The following RAP1B variants were observed in gnomAD, a reference collection of about 807,000 sequenced individuals.
RAP1B encodes RAP1B, member of RAS oncogene family.
Under a neutral mutation model 27.5 loss-of-function variants are expected in RAP1B, and 1 was observed. The observed-to-expected ratio is 0.04, with a 90% confidence interval of 0.01 to 0.17. RAP1B has a LOEUF of 0.17. RAP1B is among the 10% of genes least tolerant of loss of function. RAP1B has a pLI of 1.00. For missense variants in RAP1B, 84 were observed against 214.8 expected, an observed-to-expected ratio of 0.39 and a Z score of 3.81; for synonymous variants, 75 against 73.1, an observed-to-expected ratio of 1.03 and a Z score of -0.13.
chr12:68,618,446 G>A (rs1263816626), intron 1 of RAP1B, among the ~76,000 whole-genome samples: 3 of 152,062 alleles, frequency 2.0e-5, no homozygotes, highest in Admixed American at 2.0e-4. Flanking sequence ...GTATGAATAA[G>A]GACTAATAAA....
At chr12:68,655,904 A>G (rs1874171037) in intron 5 of RAP1B, among the ~76,000 whole-genome samples, 4 of 152,308 alleles carry the variant, frequency 2.6e-5, no homozygotes, top group Admixed American at 2.6e-4. Context: ...TCCGTCCATT[A>G]TGATAAAATT....
At chr12:68,650,662 T>C in intron 3 of RAP1B, 194 bp downstream of exon 3, 1 of 402,116 alleles carries the variant, frequency 2.5e-6, no homozygotes, top group Non-Finnish European at 4.1e-6. Context: ...CTCTCACATA[T>C]TCACAGAATT....
chr12:68,657,807 C>T (rs970181826), intron 7 of RAP1B: 2 of 156,904 alleles, frequency 1.3e-5, no homozygotes, highest in African/African-American at 2.6e-5. Flanking sequence ...CGCTCCCAGC[C>T]AACCGTCCCT....
intron 1 of RAP1B, among the ~76,000 whole-genome samples, chr12:68,644,443 G>A (rs978551199): frequency 3.3e-5 from 5 of 151,804 alleles, no homozygotes; most frequent in Admixed American, 3.3e-4. Context: ...AATTAGCTGG[G>A]CGTGATGGTG....
intron 1 of RAP1B, among the ~76,000 whole-genome samples, chr12:68,614,288 A>G (rs1870823032): frequency 2.6e-5 from 4 of 152,166 alleles, no homozygotes; most frequent in Admixed American, 2.6e-4. Flanking sequence ...TTTCCCCATA[A>G]GTATTGTTTA....
At chr12:68,629,675 T>C (rs1565661478) in intron 1 of RAP1B, among the ~76,000 whole-genome samples, 1 of 152,216 alleles carries the variant, frequency 6.6e-6, no homozygotes, top group Non-Finnish European at 1.5e-5. Flanking sequence ...TATACTGTTT[T>C]ATCATCCTCA....
intron 4 of RAP1B, 117 bp downstream of exon 4, chr12:68,652,168 G>T: frequency 1.3e-6 from 1 of 750,692 alleles, no homozygotes; most frequent in South Asian, 2.4e-5. Flanking sequence ...GCTTGCAGCC[G>T]GTTGTAGTGG....
intron 1 of RAP1B, among the ~76,000 whole-genome samples, chr12:68,627,556 C>T (rs1030964155): frequency 1.3e-5 from 2 of 152,146 alleles, no homozygotes; most frequent in African/African-American, 2.4e-5. Flanking sequence ...CTTCACCTCT[C>T]GTTATTCCCA....
chr12:68,655,486 T>C (rs1277582974), intron 5 of RAP1B, among the ~76,000 whole-genome samples: 1 of 152,054 alleles, frequency 6.6e-6, no homozygotes, highest in African/African-American at 2.4e-5. Context: ...ATTTTTTAAT[T>C]TGTAAATCCA....
intron 1 of RAP1B, 52 bp downstream of exon 1, chr12:68,611,095 CG>C (rs138990945): frequency 0.042 from 8,630 of 207,160 alleles, 799 homozygotes; most frequent in African/African-American, 0.19. Flanking sequence ...GGCGGCCGCG[CG>C]GGGCCGGGCG....
intron 1 of RAP1B, among the ~76,000 whole-genome samples, chr12:68,623,667 C>T (rs1871538489): frequency 6.6e-6 from 1 of 152,158 alleles, no homozygotes; most frequent in South Asian, 2.1e-4. Flanking sequence ...TAAGCTTTGC[C>T]ACCAACATAG....
At chr12:68,649,831 A>G (rs767286373) in intron 2 of RAP1B, 11 of 152,496 alleles carry the variant, frequency 7.2e-5, no homozygotes, top group East Asian at 3.8e-4. Flanking sequence ...GACTGAAACA[A>G]TGCCGGCACA....
chr12:68,656,566 C>CAA (rs368220197), intron 6 of RAP1B, 117 bp downstream of exon 6: 129 of 713,832 alleles, frequency 1.8e-4, no homozygotes, highest in South Asian at 5.4e-4. Flanking sequence ...ATGTTACAGG[C>CAA]AAAAAAAAAA....
chr12:68,645,299 A>G (rs1370255794), intron 1 of RAP1B, among the ~76,000 whole-genome samples: 1 of 152,230 alleles, frequency 6.6e-6, no homozygotes, highest in Non-Finnish European at 1.5e-5. Context: ...GAAAACCACA[A>G]TTTGAAACTT....
At chr12:68,653,100 T>G (rs1180550890) in intron 4 of RAP1B, among the ~76,000 whole-genome samples, 2 of 152,102 alleles carry the variant, frequency 1.3e-5, no homozygotes, top group Non-Finnish European at 2.9e-5. Context: ...TCCCAGCTAC[T>G]CGGGAGGCTG....
chr12:68,625,778 C>T (rs143273090), intron 1 of RAP1B, among the ~76,000 whole-genome samples: 30 of 152,070 alleles, frequency 2.0e-4, no homozygotes, highest in Middle Eastern at 3.4e-3. Flanking sequence ...AAAAATTAGC[C>T]GAGCGTGGTG....
At chr12:68,617,732 C>G (rs1222427284) in intron 1 of RAP1B, among the ~76,000 whole-genome samples, 4 of 152,094 alleles carry the variant, frequency 2.6e-5, no homozygotes, top group Admixed American at 6.6e-5. Flanking sequence ...CAGTATTACT[C>G]ATGAATGTTT....
At chr12:68,650,653 T>A in intron 3 of RAP1B, 185 bp downstream of exon 3, 1 of 436,518 alleles carries the variant, frequency 2.3e-6, no homozygotes, top group Non-Finnish European at 3.7e-6. Flanking sequence ...ACACCCATAC[T>A]CTCACATATT....
intron 1 of RAP1B, among the ~76,000 whole-genome samples, chr12:68,632,154 T>C (rs540593026): frequency 7.4e-6 from 1 of 135,400 alleles, no homozygotes; most frequent in Admixed American, 7.3e-5. Flanking sequence ...TTGTTTGTTT[T>C]TTTTTTCCAG....
Sources: gnomAD v4.1 joint callset for allele counts (sites outside exome capture counted in the v4.1 genomes callset) on GRCh38, gnomAD v4.1.1 for gene constraint, MANE v1.5 for transcripts, NCBI Gene and HGNC (gene_info 2026-07-23, HGNC 2026-07-21) for gene names.